Variants in FHAD1 observed in about 807,000 individuals in gnomAD.
FHAD1 encodes the protein forkhead-associated domain-containing protein 1.
Under a neutral mutation model 191.3 loss-of-function variants are expected in FHAD1, and 146 were observed. The ratio of observed to expected loss-of-function variants is 0.76; its 90% CI spans 0.67 to 0.88. FHAD1 has a LOEUF of 0.88. Among genes scored for constraint, FHAD1 ranks in the 40% least tolerant of loss-of-function variants. The pLI is 0.00. For missense variants in FHAD1, 1,635 were observed against 1,785.8 expected (o/e 0.92, Z 1.52); for synonymous variants, 616 against 672.3 (o/e 0.92, Z 1.29).
In FHAD1 at chr1:15,301,461, T is replaced by A; in HGVS notation, c.915+20T>A. ...AGCCAGGTAGGCAGAGCCTGAGAGGTACAGCACAGCTCTCAGGCCAAGGCC... is the reference window on the plus strand; with the variant it reads ...AGCCAGGTAGGCAGAGCCTGAGAGGAACAGCACAGCTCTCAGGCCAAGGCC... On this transcript the variant is annotated intron_variant, in intron 6 of 33. Transcript: ENST00000688493. 1 of 1,549,064 alleles carries A rather than the reference T, an allele frequency of 6.5e-7. No individual in the cohort carries two copies. Among genetic ancestry groups the A allele is most frequent in the Non-Finnish European group, 8.7e-7 (1 of 1,145,658 alleles).
chr1:15,273,750 C>G (rs1392123645), intron 3 of FHAD1, among the ~76,000 whole-genome samples: 1 of 152,172 alleles, frequency 6.6e-6, no homozygotes, highest in Non-Finnish European at 1.5e-5. Flanking sequence ...ACATGAAATT[C>G]ACCGTATTCA....
intron 24 of FHAD1, 76 bp downstream of exon 24, chr1:15,366,009 C>G (rs921053617): frequency 3.8e-6 from 4 of 1,058,894 alleles, no homozygotes; most frequent in Middle Eastern, 2.0e-4. Context: ...AAGAGTCGGC[C>G]GGGCGCAGTG....
chr1:15,391,148 T>C, intron 32 of FHAD1, 62 bp from the exon 33 acceptor site: 1 of 980,570 alleles, frequency 1.0e-6, no homozygotes. Flanking sequence ...CCATTTTTCT[T>C]TGATGCAAAA....
intron 3 of FHAD1, among the ~76,000 whole-genome samples, chr1:15,275,222 A>G (rs1657861990): frequency 6.6e-6 from 1 of 152,122 alleles, no homozygotes; most frequent in Non-Finnish European, 1.5e-5. Context: ...TCAGCCTCCC[A>G]AAGTGCTGGG....
intron 3 of FHAD1, among the ~76,000 whole-genome samples, chr1:15,277,606 G>A (rs1037202504): frequency 8.5e-5 from 13 of 152,116 alleles, no homozygotes; most frequent in African/African-American, 2.9e-4. Flanking sequence ...AGAGCACCTC[G>A]GTCACCTGAG....
chr1:15,263,736 T>C (rs1279476782), intron 2 of FHAD1, among the ~76,000 whole-genome samples: 6 of 152,052 alleles, frequency 3.9e-5, no homozygotes, highest in Non-Finnish European at 8.8e-5. Context: ...TTAGCCCAGA[T>C]GGTCTTGATC....
At chr1:15,345,048 A>C (rs1558174266) in intron 16 of FHAD1, 35 bp from the exon 17 acceptor site, 1 of 1,509,748 alleles carries the variant, frequency 6.6e-7, no homozygotes, top group South Asian at 1.2e-5. Context: ...TGCCATGGTA[A>C]CCATGTCTGT....
intron 14 of FHAD1, among the ~76,000 whole-genome samples, chr1:15,333,451 C>T (rs1183403753): frequency 6.6e-6 from 1 of 152,132 alleles, no homozygotes; most frequent in African/African-American, 2.4e-5. Flanking sequence ...ATACGGTTCT[C>T]AGCATTTTAT....
At chr1:15,271,300 G>C (rs1345628800) in intron 2 of FHAD1, among the ~76,000 whole-genome samples, 1 of 152,158 alleles carries the variant, frequency 6.6e-6, no homozygotes, top group Non-Finnish European at 1.5e-5. Flanking sequence ...GTGACGGAGC[G>C]AGACTCTGTC....
intron 2 of FHAD1, among the ~76,000 whole-genome samples, chr1:15,267,313 G>C (rs556470295): frequency 5.3e-5 from 8 of 152,248 alleles, no homozygotes; most frequent in Admixed American, 5.2e-4. Context: ...CCACTTAGTT[G>C]TGGTGTATAA....
At chr1:15,356,162 G>A (rs143241733) in intron 20 of FHAD1, among the ~76,000 whole-genome samples, 80 of 152,326 alleles carry the variant, frequency 5.3e-4, no homozygotes, top group African/African-American at 1.9e-3. Flanking sequence ...TTTACTATAC[G>A]ATGTGTCAAC....
At chr1:15,369,581 C>T in intron 26 of FHAD1, 79 bp downstream of exon 26, 3 of 1,462,882 alleles carry the variant, frequency 2.1e-6, no homozygotes. Flanking sequence ...CTTTTGAAGA[C>T]ACTTTCATTC....
intron 10 of FHAD1, among the ~76,000 whole-genome samples, chr1:15,323,741 C>T (rs1034920400): frequency 2.0e-5 from 3 of 152,172 alleles, no homozygotes; most frequent in Non-Finnish European, 4.4e-5. Context: ...GCACCGAACA[C>T]GCCCAAGCTC....
At chr1:15,363,659 GC>G in intron 23 of FHAD1, 1 of 437,696 alleles carries the variant, frequency 2.3e-6, no homozygotes, top group Middle Eastern at 4.8e-4. Flanking sequence ...GTGGGGCGGG[GC>G]CCTGTAAAGG....
At chr1:15,307,824 G>T (rs576835901) in intron 6 of FHAD1, among the ~76,000 whole-genome samples, 1 of 151,560 alleles carries the variant, frequency 6.6e-6, no homozygotes, top group Non-Finnish European at 1.5e-5. Flanking sequence ...TCTGCCTCCC[G>T]GGTTCACACC....
At chr1:15,362,181 A>C (rs1310935647) in intron 22 of FHAD1, among the ~76,000 whole-genome samples, 1 of 152,304 alleles carries the variant, frequency 6.6e-6, no homozygotes, top group East Asian at 1.9e-4. Context: ...AAGTGAGTGA[A>C]CACGTGAGGA....
Position 15,375,605 on chromosome 1 carries a change from C to G in FHAD1, c.3580C>G (p.His1194Asp), listed in dbSNP as rs370164772. 6.4e-5 allele frequency: 97 copies of G among 1,526,596 alleles called. No individual in the cohort carries two copies. The highest frequency in any genetic ancestry group is 8.1e-5 in the Non-Finnish European group (92 of 1,139,552). 94.6% of individuals were successfully genotyped at this position (1,526,596 alleles called of 1,614,324 possible). Residue 1194 changes from histidine to aspartate, a missense_variant and splice_region_variant, in exon 28 of 34, where the codon CAT (histidine) becomes GAT (aspartate). Coordinates refer to ENST00000688493, the MANE Select transcript of FHAD1 (RefSeq NM_001391957.1). ...AGTCTACTTTATTTCTTTTACAGAT[C>G]ATAAAGACCACCAGAATGAATCATT... ...KELEKARSPD[H>D]KDHQNESFLD... is the part of the protein sequence containing the mutation.
chr1:15,269,170 C>G (rs1017921148), intron 2 of FHAD1, among the ~76,000 whole-genome samples: 3 of 152,014 alleles, frequency 2.0e-5, no homozygotes, highest in Non-Finnish European at 2.9e-5. Flanking sequence ...TCATTCATTT[C>G]TGATCTAATA....
At chr1:15,350,090 C>T (rs147041058) in intron 19 of FHAD1, among the ~76,000 whole-genome samples, 543 of 152,242 alleles carry the variant, frequency 3.6e-3, no homozygotes, top group African/African-American at 5.3e-3. Flanking sequence ...GCTCAGTGAA[C>T]GGTTCGATTC....
Sources: allele counts gnomAD v4.1 joint callset (sites outside exome capture counted in the v4.1 genomes callset), GRCh38; gene constraint gnomAD v4.1.1; transcripts MANE v1.5; gene names NCBI Gene and HGNC (gene_info 2026-07-23, HGNC 2026-07-21).